The following MYO3A variants were observed in gnomAD, a reference collection of about 807,000 sequenced individuals.
MYO3A encodes myosin IIIA, also known as myosin-IIIa.
In MYO3A, 180 loss-of-function variants were observed where a neutral mutation model predicts 192.7. That is an observed-to-expected ratio of 0.93 (90% confidence interval 0.83 to 1.06). The LOEUF is 1.06. Ranked by LOEUF, MYO3A falls within the 50% of genes least tolerant of loss-of-function variation. The probability of loss-of-function intolerance (pLI) is 0.00; values close to 1 mark genes in which losing one functional copy is unlikely to be tolerated. For missense variants in MYO3A, 1,896 were observed against 1,905.0 expected (o/e 1.00, Z 0.09); for synonymous variants, 628 against 645.3 (o/e 0.97, Z 0.41).
chr10:25,969,182 G>A (rs776260213), intron 4 of MYO3A, among the ~76,000 whole-genome samples: 9 of 152,278 alleles, frequency 5.9e-5, no homozygotes, highest in East Asian at 1.9e-4. Flanking sequence ...GCAGTGAGCC[G>A]AGATTGCACC....
chr10:26,056,944 G>T (rs752964899), intron 10 of MYO3A, among the ~76,000 whole-genome samples: 1 of 139,540 alleles, frequency 7.2e-6, no homozygotes, highest in African/African-American at 2.6e-5. Flanking sequence ...GTGAGGCACA[G>T]TAAGAAGGAC....
chr10:26,189,455 A>G (rs1469237255), intron 31 of MYO3A, among the ~76,000 whole-genome samples: 1 of 152,240 alleles, frequency 6.6e-6, no homozygotes, highest in Admixed American at 6.5e-5. Flanking sequence ...GAGTCAGTGA[A>G]AGCTTCATGA....
chr10:26,176,631 GC>G, intron 30 of MYO3A, 69 bp from the exon 31 acceptor site: 3 of 1,445,068 alleles, frequency 2.1e-6, no homozygotes, highest in Non-Finnish European at 2.9e-6. Context: ...GCGTTTCCCA[GC>G]CCCCGGTGCC....
chr10:26,197,502 C>T (rs940473513), intron 32 of MYO3A, among the ~76,000 whole-genome samples: 4 of 152,186 alleles, frequency 2.6e-5, no homozygotes, highest in African/African-American at 7.2e-5. Context: ...AGCACCCAAT[C>T]TCTCTTGTAT....
intron 6 of MYO3A, among the ~76,000 whole-genome samples, chr10:26,015,423 C>T (rs1227977369): frequency 6.6e-6 from 1 of 152,076 alleles, no homozygotes; most frequent in East Asian, 1.9e-4. Flanking sequence ...ATCCCTGTTG[C>T]CTTTAAAAGT....
At chr10:26,080,526 G>A (rs959804143) in intron 14 of MYO3A, among the ~76,000 whole-genome samples, 13 of 127,616 alleles carry the variant, frequency 1.0e-4, no homozygotes, top group Non-Finnish European at 4.8e-5. Flanking sequence ...TCTTTCTCAG[G>A]TAAATCTGGG....
intron 10 of MYO3A, among the ~76,000 whole-genome samples, chr10:26,031,554 G>A (rs1308781496): frequency 2.0e-5 from 3 of 152,238 alleles, no homozygotes; most frequent in Non-Finnish European, 4.4e-5. Flanking sequence ...TTCTATGTGA[G>A]AGGCAGAGTC....
At chr10:26,170,645 TA>T in intron 29 of MYO3A, 106 bp downstream of exon 29, 1 of 1,218,782 alleles carries the variant, frequency 8.2e-7, no homozygotes, top group Non-Finnish European at 1.2e-6. Context: ...AGGTTCCTGA[TA>T]CTGACACATC....
At chr10:26,151,597 G>T (rs776202035) in intron 23 of MYO3A, among the ~76,000 whole-genome samples, 2 of 151,914 alleles carry the variant, frequency 1.3e-5, no homozygotes, top group East Asian at 1.9e-4. Context: ...ACATAGTTGC[G>T]TCTTGGTTTT....
chr10:25,992,928 A>T (rs1178946039), intron 4 of MYO3A, among the ~76,000 whole-genome samples: 2 of 151,904 alleles, frequency 1.3e-5, no homozygotes, highest in East Asian at 1.9e-4. Flanking sequence ...TATTGAGGAT[A>T]TTTGCATTGA....
intron 31 of MYO3A, among the ~76,000 whole-genome samples, chr10:26,187,759 G>T (rs371649519): frequency 1.3e-5 from 2 of 150,280 alleles, no homozygotes; most frequent in Non-Finnish European, 2.9e-5. Context: ...TTTTGTCCTT[G>T]CAATAGTTCA....
chr10:26,153,955 A>T, intron 24 of MYO3A, 26 bp downstream of exon 24: 1 of 1,471,220 alleles, frequency 6.8e-7, no homozygotes, highest in Non-Finnish European at 9.5e-7. Flanking sequence ...TTTTCTTGGC[A>T]GTGAGTCTAA....
intron 26 of MYO3A, 60 bp downstream of exon 26, chr10:26,157,575 A>G: frequency 6.5e-7 from 1 of 1,545,412 alleles, no homozygotes; most frequent in East Asian, 2.3e-5. Context: ...ATTCAGAAGA[A>G]TTATAAGAAA....
At chr10:26,179,438 T>A (rs1842505851) in intron 31 of MYO3A, among the ~76,000 whole-genome samples, 1 of 152,168 alleles carries the variant, frequency 6.6e-6, no homozygotes, top group Non-Finnish European at 1.5e-5. Flanking sequence ...TTCACATATA[T>A]TTCAGTGTTG....
chr10:26,165,763 CAA>C, intron 26 of MYO3A: 1 of 421,910 alleles, frequency 2.4e-6, no homozygotes, highest in Non-Finnish European at 4.3e-6. Context: ...AGCGAAAAAA[CAA>C]AAACAAAACT....
intron 6 of MYO3A, among the ~76,000 whole-genome samples, chr10:26,001,085 G>T (rs72789941): frequency 0.046 from 6,987 of 152,148 alleles, 185 homozygotes; most frequent in Non-Finnish European, 0.065. Context: ...CTCCCACCAG[G>T]TCCCTCCCCC....
intron 4 of MYO3A, among the ~76,000 whole-genome samples, chr10:25,956,406 C>A (rs1401523067): frequency 6.6e-6 from 1 of 151,132 alleles, no homozygotes; most frequent in East Asian, 1.9e-4. Context: ...TCTCAGCTCA[C>A]TGCAACAGCC....
At chr10:25,995,334 G>A (rs572708099) in intron 4 of MYO3A, among the ~76,000 whole-genome samples, 78 of 152,220 alleles carry the variant, frequency 5.1e-4, no homozygotes, top group African/African-American at 1.8e-3. Flanking sequence ...TGTAGTTCTC[G>A]TGCCGTGGTT....
At chr10:26,104,967 C>T (rs1837709257) in intron 17 of MYO3A, among the ~76,000 whole-genome samples, 1 of 151,910 alleles carries the variant, frequency 6.6e-6, no homozygotes, top group African/African-American at 2.4e-5. Context: ...GATTATATTA[C>T]ACACACTTTT....
Sources: allele counts gnomAD v4.1 joint callset (sites outside exome capture counted in the v4.1 genomes callset), GRCh38; gene constraint gnomAD v4.1.1; transcripts MANE v1.5; gene names NCBI Gene and HGNC (gene_info 2026-07-23, HGNC 2026-07-21).